Variants in SPTBN1 observed in about 807,000 individuals in gnomAD.
SPTBN1 encodes spectrin beta, non-erythrocytic 1.
Under a neutral mutation model 266.4 loss-of-function variants are expected in SPTBN1, and 32 were observed. The ratio of observed to expected loss-of-function variants is 0.12; its 90% CI spans 0.09 to 0.16. SPTBN1 has a LOEUF of 0.16. SPTBN1 is among the 10% of genes least tolerant of loss of function. SPTBN1 has a pLI of 1.00. For missense variants in SPTBN1, 2,296 were observed against 3,067.1 expected (o/e 0.75, Z 5.94); for synonymous variants, 1,336 against 1,162.2 (o/e 1.15, Z -3.04).
chr2:54,580,551 T>G lies in SPTBN1; in HGVS notation c.149-18541T>G, dbSNP rs189304870. On this transcript the variant is annotated intron_variant, in intron 2 of 35. Coordinates refer to ENST00000356805, the MANE Select transcript of SPTBN1 (RefSeq NM_003128.3). Reference sequence around the variant, plus strand: ...CATTAGCTGCTTATTTGTGTGTGTGTTGGAGGATGGATTATAATCCAAGTG... The same window carrying G: ...CATTAGCTGCTTATTTGTGTGTGTGGTGGAGGATGGATTATAATCCAAGTG... 5.8e-3 allele frequency among the ~76,000 whole-genome samples: 882 copies of G among 152,070 alleles called. 7 individuals are homozygous for G. Among genetic ancestry groups the G allele is most frequent in the African/African-American group, 0.02 (832 of 41,418 alleles).
intron 1 of SPTBN1, among the ~76,000 whole-genome samples, chr2:54,489,032 T>A (rs1410466598): frequency 6.6e-6 from 1 of 151,750 alleles, no homozygotes; most frequent in Non-Finnish European, 1.5e-5. Context: ...AATAAAATGC[T>A]GTAATTGGCC....
At chr2:54,468,193 G>C (rs938561854) in intron 1 of SPTBN1, among the ~76,000 whole-genome samples, 1 of 152,134 alleles carries the variant, frequency 6.6e-6, no homozygotes, top group Non-Finnish European at 1.5e-5. Flanking sequence ...TCTAGTCCCA[G>C]CTACTTGGGA....
At chr2:54,577,225 C>A (rs1674555098) in intron 2 of SPTBN1, among the ~76,000 whole-genome samples, 1 of 152,184 alleles carries the variant, frequency 6.6e-6, no homozygotes, top group Non-Finnish European at 1.5e-5. Context: ...CATTTCAGTT[C>A]TCTAACCTGT....
Position 54,629,228 on chromosome 2 carries a change from C to T in SPTBN1, c.2094C>T (p.Ile698=). 1.9e-6 allele frequency: 3 copies of T among 1,613,858 alleles called. No homozygotes were observed. The highest frequency in any genetic ancestry group is 2.5e-6 in the Non-Finnish European group (3 of 1,180,012). Residue 698 remains isoleucine, a synonymous_variant, in exon 14 of 36, where the codon ATC becomes ATT. Transcript: ENST00000356805. ...SGRSGHFEQA[I]KEGEDMIAEE... ...GCAGTGGCCACTTTGAGCAGGCCAT[C>T]AAGGAAGGCGAAGACATGATCGCGG...
chr2:54,627,003 T>C (rs1678382391), intron 12 of SPTBN1, among the ~76,000 whole-genome samples: 1 of 149,866 alleles, frequency 6.7e-6, no homozygotes, highest in African/African-American at 2.4e-5. Flanking sequence ...TTTAGCCTTG[T>C]AGACAGAAGA....
chr2:54,579,102 C>T (rs529047722), intron 2 of SPTBN1, among the ~76,000 whole-genome samples: 1 of 152,242 alleles, frequency 6.6e-6, no homozygotes, highest in African/African-American at 2.4e-5. Context: ...ATTACTTCTG[C>T]ACCAACCTAA....
intron 1 of SPTBN1, among the ~76,000 whole-genome samples, chr2:54,473,202 C>CATT (rs1558756343): frequency 1.3e-5 from 2 of 152,136 alleles, no homozygotes; most frequent in Non-Finnish European, 2.9e-5. Context: ...GTGCCTTATA[C>CATT]AGAGATTTAT....
intron 1 of SPTBN1, among the ~76,000 whole-genome samples, chr2:54,523,454 G>T (rs887239040): frequency 6.6e-6 from 1 of 152,180 alleles, no homozygotes; most frequent in African/African-American, 2.4e-5. Context: ...AACATGTGGG[G>T]TGTGTTGGCT....
At chr2:54,480,513 G>C (rs1465750390) in intron 1 of SPTBN1, among the ~76,000 whole-genome samples, 1 of 152,192 alleles carries the variant, frequency 6.6e-6, no homozygotes, top group Non-Finnish European at 1.5e-5. Flanking sequence ...GCTTTAACTT[G>C]ATGTCCAGTA....
At chr2:54,588,476 G>A (rs555389910) in intron 2 of SPTBN1, among the ~76,000 whole-genome samples, 6 of 152,074 alleles carry the variant, frequency 3.9e-5, no homozygotes, top group South Asian at 2.1e-4. Flanking sequence ...AGGTGCTTTG[G>A]GATTCTGTAG....
In SPTBN1 at chr2:54,643,095, C is replaced by G. The variant is rs903362485; in HGVS notation, c.3971C>G (p.Ala1324Gly). 6.2e-7 allele frequency: 1 copy of G among 1,614,174 alleles called. No individual in the cohort carries two copies. The highest frequency in any genetic ancestry group is 1.7e-5 in the Admixed American group (1 of 60,018). Residue 1324 changes from alanine to glycine, a missense_variant, in exon 19 of 36, where the codon GCA becomes GGA. By Grantham distance (60) the Ala-to-Gly change is moderately conservative. This residue lies in a region of SPTBN1 where 386 missense variants were observed against 486.1 expected (regional missense o/e 0.79). Coordinates refer to ENST00000356805, the MANE Select transcript of SPTBN1 (RefSeq NM_003128.3). ...LKHQAFMAEL[A>G]SNKEWLDKIE... ...CATCAAGCATTTATGGCAGAACTTG[C>G]ATCCAACAAAGAATGGCTTGACAAA...
chr2:54,562,500 A>G (rs1403432389), intron 2 of SPTBN1, among the ~76,000 whole-genome samples: 1 of 143,998 alleles, frequency 6.9e-6, no homozygotes, highest in African/African-American at 2.6e-5. Context: ...CTTCCATTTC[A>G]TCTATAGAAA....
intron 2 of SPTBN1, among the ~76,000 whole-genome samples, chr2:54,528,886 AT>A (rs1671013554): frequency 6.6e-6 from 1 of 152,218 alleles, no homozygotes. Context: ...GGGGGCAGGA[AT>A]TGCATTCAGT....
chr2:54,605,608 T>A (rs779174408), intron 3 of SPTBN1, among the ~76,000 whole-genome samples: 1 of 152,254 alleles, frequency 6.6e-6, no homozygotes, highest in Non-Finnish European at 1.5e-5. Context: ...GATAGCTCTG[T>A]GAGATCATGA....
chr2:54,572,041 T>C (rs1329388554), intron 2 of SPTBN1, among the ~76,000 whole-genome samples: 2 of 151,798 alleles, frequency 1.3e-5, no homozygotes, highest in African/African-American at 2.4e-5. Flanking sequence ...AAGCTCAAAT[T>C]TAGGGAACTC....
chr2:54,609,309 C>T (rs1677063254), intron 3 of SPTBN1, among the ~76,000 whole-genome samples: 1 of 152,238 alleles, frequency 6.6e-6, no homozygotes, highest in Non-Finnish European at 1.5e-5. Flanking sequence ...AGATCCGTAT[C>T]ATGAAAACCT....
chr2:54,627,401 T>C (rs1678421866), intron 12 of SPTBN1, among the ~76,000 whole-genome samples: 1 of 152,234 alleles, frequency 6.6e-6, no homozygotes, highest in African/African-American at 2.4e-5. Flanking sequence ...CAAATTTCGC[T>C]GGTTGATGGA....
At position 54,624,915 on chromosome 2, in the gene SPTBN1, G is replaced by C; in HGVS notation, c.1294G>C (p.Ala432Pro). Residue 432 changes from alanine to proline, a missense_variant, in exon 11 of 36, where the codon GCT (alanine) becomes CCT (proline). Physicochemically the swap from Ala to Pro is conservative, Grantham distance 27. Around this residue, in one of 12 missense-constraint regions of SPTBN1, gnomAD observed 148 missense variants for 203.8 expected, o/e 0.73. Coordinates refer to ENST00000356805, the MANE Select transcript of SPTBN1 (RefSeq NM_003128.3). Reference protein sequence around the residue: ...QLARRFDRKAAMRETWLSENQ... With the variant: ...QLARRFDRKAPMRETWLSENQ... ...CGCCCGCAGATTTGATCGCAAGGCA[G>C]CTATGAGGGAGACTTGGCTGAGCGA... 6.2e-7 allele frequency: 1 copy of C among 1,613,444 alleles called. No homozygotes were observed. The highest frequency in any genetic ancestry group is 8.5e-7 in the Non-Finnish European group (1 of 1,179,714).
intron 2 of SPTBN1, among the ~76,000 whole-genome samples, chr2:54,597,379 T>C (rs559161120): frequency 6.6e-6 from 1 of 152,238 alleles, no homozygotes; most frequent in East Asian, 1.9e-4. Context: ...CCTGTCATGA[T>C]GTTATTGGTG....
Sources: gnomAD v4.1 joint callset for allele counts (sites outside exome capture counted in the v4.1 genomes callset) on GRCh38, gnomAD v4.1.1 for gene constraint, gnomAD v4.1.1 regional missense constraint, MANE v1.5 for transcripts, NCBI Gene and HGNC (gene_info 2026-07-23, HGNC 2026-07-21) for gene names.